Variants in TBC1D23 observed in about 807,000 individuals in gnomAD.
The protein encoded by TBC1D23 is HCV non-structural protein 4A-transactivated protein 1.
A neutral mutation model predicts 91.4 loss-of-function variants in TBC1D23; 55 were observed. The observed-to-expected ratio is 0.60, with a 90% CI of 0.48 to 0.75. TBC1D23 has a LOEUF of 0.75. Among genes scored for constraint, TBC1D23 ranks in the 30% least tolerant of loss-of-function variants. The probability of loss-of-function intolerance (pLI) is 0.00; values close to 1 mark genes in which losing one functional copy is unlikely to be tolerated. For synonymous variants in TBC1D23, 289 were observed against 281.0 expected, an observed-to-expected ratio of 1.03 and a Z score of -0.28; for missense variants, 725 against 836.1, an observed-to-expected ratio of 0.87 and a Z score of 1.64.
Position 100,320,991 on chromosome 3 carries a change from AATATTATCTGAATTCAG to A in TBC1D23, c.2018+35_2018+51del, listed in dbSNP as rs749094550. 23 of 1,537,470 alleles carry A rather than the reference AATATTATCTGAATTCAG, an allele frequency of 1.5e-5. No homozygotes were observed. The South Asian group carries it at 1.8e-4, about 12-fold the overall frequency. The stretch of plus-strand genomic sequence containing the variant: ...CGAAAGGTAAGATTTTCCTTAAGAT[AATATTATCTGAATTCAG>A]ATATTATCTGAATTACTGTAGTTCA... On this transcript the variant is annotated intron_variant, in intron 18 of 18. Transcript: ENST00000394144.
At chr3:100,309,863 C>G (rs1463892874) in intron 13 of TBC1D23, among the ~76,000 whole-genome samples, 1 of 152,150 alleles carries the variant, frequency 6.6e-6, no homozygotes, top group African/African-American at 2.4e-5. Context: ...CCTGCCTCGG[C>G]CTCCCAAAGT....
At chr3:100,291,238 C>T (rs896167870) in intron 5 of TBC1D23, among the ~76,000 whole-genome samples, 1 of 151,858 alleles carries the variant, frequency 6.6e-6, no homozygotes, top group East Asian at 1.9e-4. Flanking sequence ...GTGTCAGGAC[C>T]CTTTACACTC....
intron 1 of TBC1D23, among the ~76,000 whole-genome samples, chr3:100,270,411 G>C (rs995411264): frequency 2.5e-4 from 38 of 152,172 alleles, no homozygotes; most frequent in African/African-American, 8.4e-4. Context: ...ACCTTTAGTA[G>C]AGTGATAGAG....
chr3:100,262,019 C>T (rs192019480), intron 1 of TBC1D23, among the ~76,000 whole-genome samples: 6 of 152,252 alleles, frequency 3.9e-5, no homozygotes, highest in Admixed American at 2.0e-4. Context: ...TAGACATCGA[C>T]TTTAATCCCA....
chr3:100,274,913 A>C, intron 1 of TBC1D23, among the ~76,000 whole-genome samples: 1 of 130,106 alleles, frequency 7.7e-6, no homozygotes, highest in Non-Finnish European at 1.6e-5. Context: ...CTTTTTGTTT[A>C]TTCATTCATC....
chr3:100,286,310 A>T (rs1337900323), intron 4 of TBC1D23, among the ~76,000 whole-genome samples: 1 of 152,160 alleles, frequency 6.6e-6, no homozygotes, highest in Non-Finnish European at 1.5e-5. Context: ...AATGGTGGTG[A>T]TGGTAGTTAG....
At chr3:100,293,268 G>T (rs1360940103) in intron 5 of TBC1D23, among the ~76,000 whole-genome samples, 1 of 152,116 alleles carries the variant, frequency 6.6e-6, no homozygotes, top group Non-Finnish European at 1.5e-5. Context: ...CGAGTAGTTG[G>T]CACTGCAGGC....
intron 18 of TBC1D23, 42 bp from the exon 19 acceptor site, chr3:100,323,542 TATG>T (rs760886208): frequency 1.1e-6 from 1 of 942,298 alleles, no homozygotes; most frequent in South Asian, 3.0e-5. Flanking sequence ...TACATATACA[TATG>T]TATATATATA....
At chr3:100,272,793 A>C (rs2067610908) in intron 1 of TBC1D23, among the ~76,000 whole-genome samples, 2 of 152,244 alleles carry the variant, frequency 1.3e-5, no homozygotes. Context: ...TAAAGAATTA[A>C]GTGCTGTGCT....
chr3:100,311,943 A>G (rs573163620), intron 15 of TBC1D23, 66 bp downstream of exon 15: 4 of 1,060,468 alleles, frequency 3.8e-6, no homozygotes, highest in Admixed American at 2.0e-5. Context: ...CATGCCATCT[A>G]TAAGCCTCAT....
At chr3:100,264,619 C>G (rs183022871) in intron 1 of TBC1D23, among the ~76,000 whole-genome samples, 18 of 152,232 alleles carry the variant, frequency 1.2e-4, no homozygotes, top group African/African-American at 3.9e-4. Context: ...CACAGCTATC[C>G]CTTTTTGAGA....
At chr3:100,295,250 T>G (rs776677133) in intron 6 of TBC1D23, 39 bp downstream of exon 6, 1 of 1,598,074 alleles carries the variant, frequency 6.3e-7, no homozygotes, top group Non-Finnish European at 8.5e-7. Flanking sequence ...TCCTCTTTTC[T>G]CAGGGTGCTC....
intron 15 of TBC1D23, among the ~76,000 whole-genome samples, chr3:100,314,494 G>A (rs567343786): frequency 6.6e-6 from 1 of 152,284 alleles, no homozygotes; most frequent in South Asian, 2.1e-4. Context: ...TAAAGGCCAA[G>A]TGTGGTGGTT....
Position 100,295,299 on chromosome 3 carries a change from C to T in TBC1D23, c.726-3C>T. On this transcript the variant is annotated splice_region_variant and splice_polypyrimidine_tract_variant and intron_variant, in intron 6 of 18. Coordinates refer to ENST00000394144, the MANE Select transcript of TBC1D23 (RefSeq NM_001199198.3). Reference sequence around the variant, plus strand: ...CTCAAATTGATTTGATTCCCTTTTACAGAGAAGTTATTTTAACACAAGAGT... The same window carrying T: ...CTCAAATTGATTTGATTCCCTTTTATAGAGAAGTTATTTTAACACAAGAGT... The T allele has an allele frequency of 6.2e-7, 1 of 1,609,926 alleles. No individual in the cohort carries two copies. The highest frequency in any genetic ancestry group is 8.5e-7 in the Non-Finnish European group (1 of 1,178,474).
At chr3:100,301,522 G>A (rs1705429964) in intron 10 of TBC1D23, among the ~76,000 whole-genome samples, 1 of 152,036 alleles carries the variant, frequency 6.6e-6, no homozygotes, top group Non-Finnish European at 1.5e-5. Flanking sequence ...TACTTTTTGT[G>A]TATCTCCATT....
At chr3:100,289,660 T>A (rs776942670) in intron 4 of TBC1D23, among the ~76,000 whole-genome samples, 1 of 152,166 alleles carries the variant, frequency 6.6e-6, no homozygotes. Flanking sequence ...AGGAATCTTC[T>A]TAGAGCTGAG....
chr3:100,289,753 T>G lies in TBC1D23; in HGVS notation c.477-825T>G, dbSNP rs141757702. On this transcript the variant is annotated intron_variant, in intron 4 of 18. Transcript: ENST00000394144. ...AATGCATCTGTAGGTGCTTTGTAAT[T>G]ATTTCTAACTTTTATTCTAGGTTTA... Among the ~76,000 whole-genome samples the G allele has an allele frequency of 7.3e-3, 1,105 of 152,280 alleles. 9 individuals are homozygous for G. The highest frequency in any genetic ancestry group is 0.012 in the Non-Finnish European group (829 of 68,024).
In TBC1D23 at chr3:100,283,127, C is replaced by G. The variant is rs2067709048; in HGVS notation, c.272-480C>G. Among the ~76,000 whole-genome samples the G allele has an allele frequency of 3.3e-5, 5 of 152,326 alleles. No individual in the cohort carries two copies. The South Asian group carries it at 1.0e-3, about 32-fold the overall frequency. The stretch of plus-strand genomic sequence containing the variant: ...GTGGCCCATGCCTATAATCCCAGCA[C>G]TTTGGGAGGCCGAGGCAGGCAGATC... On this transcript the variant is annotated intron_variant, in intron 3 of 18. Transcript: ENST00000394144.
intron 1 of TBC1D23, among the ~76,000 whole-genome samples, chr3:100,263,999 C>G (rs2067536799): frequency 6.6e-6 from 1 of 152,106 alleles, no homozygotes; most frequent in East Asian, 1.9e-4. Context: ...TTTCTGTTTT[C>G]CCTCCATCCT....
Sources: gnomAD v4.1 joint callset for allele counts (sites outside exome capture counted in the v4.1 genomes callset) on GRCh38, gnomAD v4.1.1 for gene constraint, MANE v1.5 for transcripts, NCBI Gene and HGNC (gene_info 2026-07-23, HGNC 2026-07-21) for gene names.